Variants in PRR11 observed in about 807,000 individuals in gnomAD.
PRR11 encodes the protein proline rich 11, also known as proline-rich protein 11.
Under a neutral mutation model 45.6 loss-of-function variants are expected in PRR11, and 30 were observed. The ratio of observed to expected loss-of-function variants is 0.66; its 90% confidence interval spans 0.49 to 0.89. The LOEUF is 0.89. Ranked by LOEUF, PRR11 falls within the 40% of genes least tolerant of loss-of-function variation. The pLI is 0.00. For missense variants in PRR11, 373 were observed against 424.8 expected (o/e 0.88, Z 1.07); for synonymous variants, 128 against 153.5 (o/e 0.83, Z 1.23).
chr17:59,186,683 T>C (rs902110079), intron 4 of PRR11, among the ~76,000 whole-genome samples: 2 of 152,118 alleles, frequency 1.3e-5, no homozygotes, highest in Admixed American at 1.3e-4. Flanking sequence ...GCGTGAGCCA[T>C]GGCACCTGGC....
At chr17:59,162,947 C>T (rs1388071611) in intron 1 of PRR11, among the ~76,000 whole-genome samples, 1 of 152,112 alleles carries the variant, frequency 6.6e-6, no homozygotes, top group Admixed American at 6.6e-5. Flanking sequence ...TCAGGCTGGT[C>T]TTGAACTCCC....
chr17:59,156,656 C>CT (rs869165501), intron 1 of PRR11, among the ~76,000 whole-genome samples: 4,510 of 142,168 alleles, frequency 0.032, 191 homozygotes, highest in African/African-American at 0.1. Flanking sequence ...CTCTTTCTTT[C>CT]TTTTTTTTTT....
chr17:59,164,092 A>G (rs982242337), intron 1 of PRR11, among the ~76,000 whole-genome samples: 5 of 152,154 alleles, frequency 3.3e-5, no homozygotes, highest in Non-Finnish European at 7.3e-5. Flanking sequence ...ACATAAAAGT[A>G]TATGAAATTC....
chr17:59,175,100 G>C, intron 2 of PRR11: 1 of 571,600 alleles, frequency 1.7e-6, no homozygotes, highest in Admixed American at 2.5e-5. Flanking sequence ...AGGCCTCGTT[G>C]TCCTCCTCCA....
chr17:59,180,023 G>C (rs2046772499), intron 2 of PRR11: 6 of 883,458 alleles, frequency 6.8e-6, no homozygotes, highest in Non-Finnish European at 1.0e-5. Context: ...TTTCTCCTTT[G>C]CTGAACCCCA....
At chr17:59,170,411 A>T (rs1459300132) in intron 2 of PRR11, among the ~76,000 whole-genome samples, 1 of 151,716 alleles carries the variant, frequency 6.6e-6, no homozygotes, top group Non-Finnish European at 1.5e-5. Flanking sequence ...TTATTTATTT[A>T]TTTACTTTTG....
At chr17:59,182,274 C>T (rs759845573) in intron 2 of PRR11, among the ~76,000 whole-genome samples, 4 of 151,604 alleles carry the variant, frequency 2.6e-5, no homozygotes, top group African/African-American at 4.8e-5. Context: ...GTGATCTGCC[C>T]GCCTTGGCCT....
chr17:59,186,032 A>G (rs6503900), intron 4 of PRR11, among the ~76,000 whole-genome samples: 66,036 of 152,066 alleles, frequency 0.43, 16,182 homozygotes, highest in African/African-American at 0.67. Flanking sequence ...CATCCATAAA[A>G]CTTATCTAAC....
chr17:59,166,262 T>C (rs2046679959), intron 1 of PRR11, among the ~76,000 whole-genome samples: 1 of 152,228 alleles, frequency 6.6e-6, no homozygotes, highest in South Asian at 2.1e-4. Flanking sequence ...ATTGTTCCCA[T>C]TCAAATCTGA....
intron 2 of PRR11, among the ~76,000 whole-genome samples, chr17:59,172,600 C>T (rs770224267): frequency 1.3e-5 from 2 of 152,214 alleles, no homozygotes; most frequent in Admixed American, 6.5e-5. Flanking sequence ...CGTGGTTTGG[C>T]GGCCCCCACA....
rs2046910346 is a variant in PRR11 at position 59,204,727 on chromosome 17, AG to A, written c.*3097del. 11 of 152,612 alleles carry A rather than the reference AG, an allele frequency of 7.2e-5. No individual in the cohort carries two copies. The highest frequency in any genetic ancestry group is 2.1e-4 in the South Asian group (1 of 4,820). 9.5% of individuals were successfully genotyped at this position (152,612 alleles called of 1,614,324 possible). A position where few individuals can be genotyped will look rare whatever the true frequency, so the allele number is the denominator to read the frequency against. On this transcript the variant is annotated 3_prime_UTR_variant, in exon 10 of 10. Transcript: ENST00000262293. ...TGTCAAAAAAAAAAAAAAGAAAGAA[AG>A]AAAGAAAAAATGCTTTATGGCCCAG...
intron 4 of PRR11, among the ~76,000 whole-genome samples, chr17:59,189,974 TAA>T (rs879329681): frequency 6.9e-6 from 1 of 145,322 alleles, no homozygotes; most frequent in African/African-American, 2.5e-5. Flanking sequence ...ACCCTGTCTC[TAA>T]AAAAAAAAAG....
At chr17:59,177,723 A>C (rs998996178) in intron 2 of PRR11, among the ~76,000 whole-genome samples, 2 of 152,204 alleles carry the variant, frequency 1.3e-5, no homozygotes, top group East Asian at 1.9e-4. Flanking sequence ...AATAATAAAA[A>C]GACCAAGAAT....
intron 2 of PRR11, among the ~76,000 whole-genome samples, chr17:59,183,541 T>C (rs986166794): frequency 2.6e-5 from 4 of 152,188 alleles, no homozygotes; most frequent in African/African-American, 9.6e-5. Flanking sequence ...ACACGTGTCC[T>C]CTGCCGTAAG....
chr17:59,201,483 T>C lies in PRR11; in HGVS notation c.1015-80T>C. On this transcript the variant is annotated intron_variant, in intron 9 of 9. Coordinates refer to ENST00000262293, the MANE Select transcript of PRR11 (RefSeq NM_018304.4). ...ATGCAGTGTTGCCATGCAAAAATTC[T>C]GGGTTCTGTTGAGAAAGGAGAGTTG... 8.3e-6 allele frequency: 12 copies of C among 1,444,408 alleles called. No individual in the cohort carries two copies. The South Asian group carries it at 1.3e-4, about 15-fold the overall frequency. 89.5% of individuals were successfully genotyped at this position (1,444,408 alleles called of 1,614,324 possible).
rs192779034 is a variant in PRR11, at chr17:59,184,112, A to T, written c.129-942A>T. Among the ~76,000 whole-genome samples the T allele has an allele frequency of 4.7e-3, 713 of 152,184 alleles. 11 individuals are homozygous for T. Among genetic ancestry groups the T allele is most frequent in the African/African-American group, 0.014 (591 of 41,532 alleles). ...ACAGCAAGACGTTGTGTCAAAAAAA[A>T]TTTTTTTGATAAAAAATAAAAGAGT... On this transcript the variant is annotated intron_variant, in intron 2 of 9. Transcript: ENST00000262293.
At chr17:59,175,061 G>A (rs548412215) in intron 2 of PRR11, 18 of 591,934 alleles carry the variant, frequency 3.0e-5, no homozygotes, top group African/African-American at 9.5e-5. Context: ...GGTTCTTCCC[G>A]TACAGGAAGT....
chr17:59,172,061 G>A (rs1342640046), intron 2 of PRR11, among the ~76,000 whole-genome samples: 1 of 151,926 alleles, frequency 6.6e-6, no homozygotes, highest in Non-Finnish European at 1.5e-5. Context: ...TTAATAATTC[G>A]ATGGCCAACA....
At chr17:59,196,087 C>CAAAAAAAAAA (rs57940331) in intron 7 of PRR11, among the ~76,000 whole-genome samples, 1 of 71,364 alleles carries the variant, frequency 1.4e-5, no homozygotes, top group Non-Finnish European at 2.8e-5. Flanking sequence ...GACTCCATCT[C>CAAAAAAAAAA]AAAAAAAAAA....
Sources: gnomAD v4.1 joint callset for allele counts (sites outside exome capture counted in the v4.1 genomes callset) on GRCh38, gnomAD v4.1.1 for gene constraint, MANE v1.5 for transcripts, NCBI Gene and HGNC (gene_info 2026-07-23, HGNC 2026-07-21) for gene names.